Variants in ARID1A observed in about 807,000 individuals in gnomAD.
ARID1A encodes AT-rich interactive domain-containing protein 1A.
ARID1A carries 20 observed loss-of-function variants against 212.6 expected under a neutral mutation model. The observed-to-expected ratio is 0.09, with a 90% confidence interval of 0.07 to 0.14. The LOEUF (loss-of-function observed/expected upper bound fraction) is 0.14. Among genes scored for constraint, ARID1A ranks in the 10% least tolerant of loss-of-function variants. The pLI is 1.00. For synonymous variants in ARID1A, 1,376 were observed against 1,222.1 expected (o/e 1.13, Z -2.63); for missense variants, 2,587 against 3,059.0 (o/e 0.85, Z 3.64).
chr1:26,767,133 T>G (rs776102270), intron 10 of ARID1A, among the ~76,000 whole-genome samples: 2 of 152,200 alleles, frequency 1.3e-5, no homozygotes, highest in Non-Finnish European at 2.9e-5. Flanking sequence ...TACCTCACTT[T>G]CCCTATCTGT....
intron 1 of ARID1A, among the ~76,000 whole-genome samples, chr1:26,723,575 A>C (rs1357711753): frequency 6.6e-6 from 1 of 152,160 alleles, no homozygotes; most frequent in Non-Finnish European, 1.5e-5. Context: ...CCAGGCAGCC[A>C]GCTTCATGGC....
intron 11 of ARID1A, chr1:26,770,120 G>A (rs1215030817): frequency 6.6e-6 from 1 of 152,310 alleles, no homozygotes; most frequent in East Asian, 1.9e-4. Context: ...GGCTAAGGCA[G>A]GAGAATCACT....
At chr1:26,732,358 T>C (rs940965232) in intron 3 of ARID1A, among the ~76,000 whole-genome samples, 3 of 152,350 alleles carry the variant, frequency 2.0e-5, no homozygotes, top group Admixed American at 6.5e-5. Context: ...GCAGAGGTTC[T>C]AGCATGATTT....
chr1:26,768,133 A>AC (rs2081054488), intron 11 of ARID1A, 134 bp downstream of exon 11: 3 of 1,016,544 alleles, frequency 3.0e-6, no homozygotes, highest in Middle Eastern at 3.2e-4. Flanking sequence ...TCTAATATTG[A>AC]TAGACCGGGG....
chr1:26,776,313 G>A (rs2081135357), intron 19 of ARID1A, among the ~76,000 whole-genome samples: 2 of 145,944 alleles, frequency 1.4e-5, no homozygotes, highest in Non-Finnish European at 3.0e-5. Flanking sequence ...TCTCTCTGTC[G>A]CCCAGGCTGG....
chr1:26,715,936 G>T lies in ARID1A; in HGVS notation c.1138-13715G>T, dbSNP rs182325199. ...ACCTGTGAGTATCAGGCTGGGCGCG[G>T]TGGCTCACGCCTGTAATCCCAGTAC... On this transcript the variant is annotated intron_variant, in intron 1 of 19. Transcript: ENST00000324856. Among the ~76,000 whole-genome samples the T allele has an allele frequency of 4.7e-3, 710 of 152,194 alleles. 5 individuals are homozygous for T. Among genetic ancestry groups the T allele is most frequent in the African/African-American group, 0.015 (621 of 41,546 alleles).
intron 4 of ARID1A, among the ~76,000 whole-genome samples, chr1:26,745,007 T>C (rs1260698929): frequency 6.6e-6 from 1 of 152,256 alleles, no homozygotes; most frequent in Non-Finnish European, 1.5e-5. Flanking sequence ...TCTCTTCCTT[T>C]ACAGCCACTC....
At chr1:26,714,978 C>T (rs1028463699) in intron 1 of ARID1A, among the ~76,000 whole-genome samples, 74 of 152,172 alleles carry the variant, frequency 4.9e-4, no homozygotes, top group Non-Finnish European at 1.0e-4. Context: ...ACTTCAGTTC[C>T]TACAGCTCAG....
chr1:26,773,336 C>T lies in ARID1A; in HGVS notation c.3716-10C>T, dbSNP rs774180289. 7.1e-6 allele frequency: 11 copies of T among 1,559,730 alleles called. No homozygotes were observed. Among genetic ancestry groups the T allele is most frequent in the African/African-American group, 2.7e-5 (2 of 72,938 alleles). ...ACCAGTTTGTTCACCGCTTGCCTTT[C>T]TACGCTCAGCTCCAGGGAGTGATCC... On this transcript the variant is annotated splice_polypyrimidine_tract_variant and intron_variant, in intron 14 of 19. Coordinates refer to ENST00000324856, the MANE Select transcript of ARID1A (RefSeq NM_006015.6).
intron 8 of ARID1A, among the ~76,000 whole-genome samples, chr1:26,764,057 C>T (rs1047342226): frequency 6.6e-6 from 1 of 152,130 alleles, no homozygotes; most frequent in Admixed American, 6.5e-5. Context: ...GCCACCTCTG[C>T]TTTCCAGGTT....
chr1:26,728,530 G>A (rs1012535380), intron 1 of ARID1A, among the ~76,000 whole-genome samples: 5 of 152,158 alleles, frequency 3.3e-5, no homozygotes, highest in Non-Finnish European at 7.4e-5. Flanking sequence ...GTCCTGGGAG[G>A]TGGGTTCTAG....
At chr1:26,762,624 TATTA>T (rs1237768525) in intron 7 of ARID1A, among the ~76,000 whole-genome samples, 8 of 152,248 alleles carry the variant, frequency 5.3e-5, no homozygotes, top group Admixed American at 1.3e-4. Flanking sequence ...ATTATTTTTT[TATTA>T]ATTATTTTTA....
chr1:26,744,063 C>A (rs1168410255), intron 4 of ARID1A, among the ~76,000 whole-genome samples: 1 of 152,096 alleles, frequency 6.6e-6, no homozygotes, highest in Non-Finnish European at 1.5e-5. Flanking sequence ...CTCAGAGTCT[C>A]GAAAAGGAAA....
chr1:26,775,589 C>T lies in ARID1A; in HGVS notation c.5006C>T (p.Ala1669Val), dbSNP rs2124126237. 1 of 1,614,072 alleles carries T rather than the reference C, an allele frequency of 6.2e-7. No individual in the cohort carries two copies. The highest frequency in any genetic ancestry group is 8.5e-7 in the Non-Finnish European group (1 of 1,179,982). Residue 1669 changes from alanine to valine, a missense_variant, in exon 19 of 20, where the codon GCA becomes GTA. Physicochemically the swap from Ala to Val is moderately conservative, Grantham distance 64. Around this residue, in one of 11 missense-constraint regions of ARID1A, gnomAD observed 890 missense variants for 1,098.2 expected, o/e 0.81. Coordinates refer to ENST00000324856, the MANE Select transcript of ARID1A (RefSeq NM_006015.6). ...LTMKDIGTPE[A>V]WRVMMSLKSG... ...AGGTTTATTTCAGGAACCCCGGAGG[C>T]ATGGCGGGTAATGATGTCCCTCAAG...
At chr1:26,735,417 C>T (rs912757703) in intron 4 of ARID1A, among the ~76,000 whole-genome samples, 7 of 152,178 alleles carry the variant, frequency 4.6e-5, no homozygotes, top group Non-Finnish European at 1.0e-4. Context: ...CTCAGCCTCC[C>T]GAGTAGCTGG....
chr1:26,731,052 G>C (rs1022000161), intron 2 of ARID1A, 100 bp from the exon 3 acceptor site: 14 of 1,294,284 alleles, frequency 1.1e-5, no homozygotes, highest in Admixed American at 3.7e-5. Context: ...TTGCATGCTT[G>C]CTTTCTATAC....
chr1:26,709,637 T>C (rs12724159), intron 1 of ARID1A, among the ~76,000 whole-genome samples: 8,825 of 151,166 alleles, frequency 0.058, 323 homozygotes, highest in Non-Finnish European at 0.079. Context: ...TTTTTTTTTT[T>C]TTTTTTTTTT....
chr1:26,696,544 CG>C lies in ARID1A; in HGVS notation c.145del (p.Glu49LysfsTer2). On this transcript the variant is annotated frameshift_variant, in exon 1 of 20. Coordinates refer to ENST00000324856, the MANE Select transcript of ARID1A (RefSeq NM_006015.6). LOFTEE classifies it high-confidence loss of function. ...EAAAAAAAERGEMKAAAGQES... is the reference protein window; with the variant it reads ...EAAAAAAAERXEMKAAAGQES... ...CGGCGGCGGCGGCAGCGGCCGAGCG[CG>C]GGGAAATGAAGGCAGCCGCCGGGCA... 1 of 1,223,686 alleles carries C rather than the reference CG, an allele frequency of 8.2e-7. No homozygotes were observed. 75.8% of individuals were successfully genotyped at this position (1,223,686 alleles called of 1,614,324 possible). A position where few individuals can be genotyped will look rare whatever the true frequency, so the allele number is the denominator to read the frequency against.
rs2124059005 is a variant in ARID1A, at chr1:26,761,369, C to G, written c.2162-15C>G. 1 of 1,613,818 alleles carries G rather than the reference C, an allele frequency of 6.2e-7. No homozygotes were observed. Among genetic ancestry groups the G allele is most frequent in the Admixed American group, 1.7e-5 (1 of 59,988 alleles). ...TTAGCCATGATATGCTTATGTTGTTCTTTGTCTGGAGCAGGCAACCAGATG... is the reference window on the plus strand; with the variant it reads ...TTAGCCATGATATGCTTATGTTGTTGTTTGTCTGGAGCAGGCAACCAGATG... On this transcript the variant is annotated splice_polypyrimidine_tract_variant and intron_variant, in intron 5 of 19. Coordinates refer to ENST00000324856, the MANE Select transcript of ARID1A (RefSeq NM_006015.6).
Sources: allele counts gnomAD v4.1 joint callset (sites outside exome capture counted in the v4.1 genomes callset), GRCh38; gene constraint gnomAD v4.1.1; regional missense constraint gnomAD v4.1.1; transcripts MANE v1.5; gene names NCBI Gene and HGNC (gene_info 2026-07-23, HGNC 2026-07-21).